Variants in MMAB observed in about 807,000 individuals in gnomAD.
The protein encoded by MMAB is metabolism of cobalamin associated B.
Under a neutral mutation model 30.6 loss-of-function variants are expected in MMAB, and 17 were observed. The ratio of observed to expected loss-of-function variants is 0.56; its 90% CI spans 0.38 to 0.83. MMAB has a LOEUF of 0.83. Among genes scored for constraint, MMAB ranks in the 40% least tolerant of loss-of-function variants. The pLI, the probability that MMAB is intolerant of heterozygous loss-of-function variation, is 0.00. For synonymous variants in MMAB, 134 were observed against 138.6 expected (o/e 0.97, Z 0.23); for missense variants, 311 against 331.6 (o/e 0.94, Z 0.48).
At chr12:109,570,159 A>C (rs575644642) in intron 2 of MMAB, 40 of 242,352 alleles carry the variant, frequency 1.7e-4, no homozygotes, top group African/African-American at 8.7e-4. Context: ...GCTATTCGCG[A>C]GGCTGAGGCA....
chr12:109,571,729 C>T lies in MMAB; in HGVS notation c.135-19G>A, dbSNP rs758112774. 7 of 1,611,518 alleles carry T rather than the reference C, an allele frequency of 4.3e-6. No individual in the cohort carries two copies. The South Asian group carries it at 7.7e-5, about 18-fold the overall frequency. On this transcript the variant is annotated intron_variant, in intron 1 of 8. Transcript: ENST00000545712. Reference sequence around the variant, plus strand: ...CTGTGGCCTAATGAGAAATAAACATCAGTATCTGGTGAGTGGGGATGGCTT... The same window carrying T: ...CTGTGGCCTAATGAGAAATAAACATTAGTATCTGGTGAGTGGGGATGGCTT...
intron 4 of MMAB, among the ~76,000 whole-genome samples, chr12:109,563,166 C>T (rs1157111451): frequency 1.3e-5 from 2 of 152,310 alleles, no homozygotes; most frequent in Admixed American, 6.5e-5. Context: ...ACAGTCAAAG[C>T]GGGAGTGATA....
rs372043526 is a variant in MMAB, at chr12:109,555,582, A to G, written c.*1446T>C. 2.2e-6 allele frequency: 1 copy of G among 450,330 alleles called. No individual in the cohort carries two copies. The allele number at this position is 450,330 out of a possible 1,614,324, so 27.9% of individuals were successfully genotyped here. A position where few individuals can be genotyped will look rare whatever the true frequency, so the allele number is the denominator to read the frequency against. ...GTCCGTTTTCAGCTCTGTTTTGCAAACACTGAGCACCGACTCCGTACCAGA... is the reference window on the plus strand; with the variant it reads ...GTCCGTTTTCAGCTCTGTTTTGCAAGCACTGAGCACCGACTCCGTACCAGA... On this transcript the variant is annotated 3_prime_UTR_variant, in exon 9 of 9. Transcript: ENST00000545712.
chr12:109,555,307 G>C lies in MMAB; in HGVS notation c.*1721C>G, dbSNP rs1186310814. On this transcript the variant is annotated 3_prime_UTR_variant, in exon 9 of 9. Transcript: ENST00000545712. ...TTTTTTTTTTTTTTTTTTTGTGACGGAGTCTCACTCTATCAGCCAGGCTGG... is the reference window on the plus strand; with the variant it reads ...TTTTTTTTTTTTTTTTTTTGTGACGCAGTCTCACTCTATCAGCCAGGCTGG... 2.5e-5 allele frequency: 7 copies of C among 285,180 alleles called. No homozygotes were observed. The highest frequency in any genetic ancestry group is 4.5e-5 in the Non-Finnish European group (7 of 155,984). The allele number at this position is 285,180 out of a possible 1,614,324, so 17.7% of individuals were successfully genotyped here. A position where few individuals can be genotyped will look rare whatever the true frequency, so the allele number is the denominator to read the frequency against.
At position 109,573,443 on chromosome 12, in the gene MMAB, C is replaced by A; in HGVS notation, c.38G>T (p.Gly13Val). ...VCGLGSRLGL[G>V]SRLGLRGCFG... is the part of the protein sequence containing the mutation. ...GCACCCGCGCAGGCCAAGACGGCTC[C>A]CCAGGCCAAGACGGCTCCCCAGGCC... The change falls in exon 1 of 9, where the codon GGG becomes GTG. Residue 13 changes from glycine (G) to valine (V), a missense_variant. Coordinates refer to ENST00000545712, the MANE Select transcript of MMAB (RefSeq NM_052845.4). 1 of 1,606,944 alleles carries A rather than the reference C, an allele frequency of 6.2e-7. No individual in the cohort carries two copies.
rs148395746 is a variant in MMAB, at chr12:109,558,824, A to G, written c.644+272T>C. On this transcript the variant is annotated intron_variant, in intron 8 of 8. Transcript: ENST00000545712. The surrounding 1 kb of genome is among the most constrained non-coding windows in gnomAD (Gnocchi z 4.3). Reference sequence around the variant, plus strand: ...CTTTGCCCCCGCAATGCCACTTTGCACTTAGGTTTTTCTTCCTGGTTTTTA... The same window carrying G: ...CTTTGCCCCCGCAATGCCACTTTGCGCTTAGGTTTTTCTTCCTGGTTTTTA... Among the ~76,000 whole-genome samples the G allele has an allele frequency of 5.8e-4, 88 of 151,530 alleles. No homozygotes were observed. Among genetic ancestry groups the G allele is most frequent in the African/African-American group, 2.1e-3 (85 of 41,246 alleles).
In MMAB at chr12:109,554,820, G is replaced by A. The variant is rs1309174372; in HGVS notation, c.*2208C>T. On this transcript the variant is annotated 3_prime_UTR_variant, in exon 9 of 9. Coordinates refer to ENST00000545712, the MANE Select transcript of MMAB (RefSeq NM_052845.4). ...ATGTTTTAAACACCCCATCCTTCCA[G>A]CCCCCAAAGCAAGCTTTCTCCATTT... is the stretch of plus-strand genomic sequence containing the variant. 1 of 453,926 alleles carries A rather than the reference G, an allele frequency of 2.2e-6. No individual in the cohort carries two copies. Among genetic ancestry groups the A allele is most frequent in the African/African-American group, 2.0e-5 (1 of 49,988 alleles). 28.1% of individuals were successfully genotyped at this position (453,926 alleles called of 1,614,324 possible). A position where few individuals can be genotyped will look rare whatever the true frequency, so the allele number is the denominator to read the frequency against.
intron 4 of MMAB, among the ~76,000 whole-genome samples, chr12:109,562,066 A>G (rs902090276): frequency 6.6e-6 from 1 of 152,174 alleles, no homozygotes; most frequent in Admixed American, 6.5e-5. Flanking sequence ...TGATTGGATC[A>G]TTGGGGTAGT....
intron 8 of MMAB, 34 bp from the exon 9 acceptor site, chr12:109,557,170 G>A (rs1566130043): frequency 1.4e-6 from 2 of 1,424,398 alleles, no homozygotes; most frequent in East Asian, 2.3e-5. Flanking sequence ...CAAACAGAAT[G>A]GTTTGAAATG....
At chr12:109,562,172 ACTCT>A (rs971303030) in intron 4 of MMAB, among the ~76,000 whole-genome samples, 1 of 150,926 alleles carries the variant, frequency 6.6e-6, no homozygotes, top group African/African-American at 2.4e-5. Flanking sequence ...CCCTCTTCAC[ACTCT>A]CTCTCTCCTA....
At position 109,554,763 on chromosome 12, in the gene MMAB, T is replaced by C. The variant is rs1405175302; in HGVS notation, c.*2265A>G. The C allele has an allele frequency of 6.6e-6, 3 of 454,146 alleles. No individual in the cohort carries two copies. The highest frequency in any genetic ancestry group is 6.9e-5 in the East Asian group (1 of 14,396). The allele number at this position is 454,146 out of a possible 1,614,324, so 28.1% of individuals were successfully genotyped here. On this transcript the variant is annotated 3_prime_UTR_variant, in exon 9 of 9. Coordinates refer to ENST00000545712, the MANE Select transcript of MMAB (RefSeq NM_052845.4). ...CTTTTCTTTTGCCTCGGGCTCTTGA[T>C]AGAGCTTTTGAAAGGCACTGCAGAA...
In MMAB at chr12:109,554,063, G is replaced by C. The variant is rs1386868820; in HGVS notation, c.*2965C>G. ...GCCTGGCATTGTTCGCCACAGCCCA[G>C]GTAGTGATTAAAACGACTGTCAAGC... On this transcript the variant is annotated 3_prime_UTR_variant, in exon 9 of 9. Transcript: ENST00000545712. 1 of 454,120 alleles carries C rather than the reference G, an allele frequency of 2.2e-6. No homozygotes were observed. The highest frequency in any genetic ancestry group is 4.4e-6 in the Non-Finnish European group (1 of 226,788). The allele number at this position is 454,120 out of a possible 1,614,324, so 28.1% of individuals were successfully genotyped here.
chr12:109,556,515 G>C lies in MMAB; in HGVS notation c.*513C>G, dbSNP rs1447634953. ...AGAGGTGACTAAACTTCCAAATCTT[G>C]TCCGCCTTCCCCTTTACAAATGTGA... On this transcript the variant is annotated 3_prime_UTR_variant, in exon 9 of 9. Transcript: ENST00000545712. The C allele has an allele frequency of 6.6e-6, 3 of 453,934 alleles. No homozygotes were observed. The highest frequency in any genetic ancestry group is 1.3e-5 in the Non-Finnish European group (3 of 226,792). 28.1% of individuals were successfully genotyped at this position (453,934 alleles called of 1,614,324 possible).
chr12:109,556,887 G>C lies in MMAB; in HGVS notation c.*141C>G, dbSNP rs1044600. ...CTTGAGGAAGGTGGCAAGAGGTGTA[G>C]ATCAAAGCTGAGCTGGGACAAAAGG... On this transcript the variant is annotated 3_prime_UTR_variant, in exon 9 of 9. Coordinates refer to ENST00000545712, the MANE Select transcript of MMAB (RefSeq NM_052845.4). 2.9e-6 allele frequency: 2 copies of C among 697,696 alleles called. No individual in the cohort carries two copies. Among genetic ancestry groups the C allele is most frequent in the Non-Finnish European group, 5.2e-6 (2 of 382,930 alleles). The allele number at this position is 697,696 out of a possible 1,614,324, so 43.2% of individuals were successfully genotyped here.
intron 4 of MMAB, among the ~76,000 whole-genome samples, chr12:109,564,098 C>T (rs868837955): frequency 4.6e-5 from 7 of 152,222 alleles, no homozygotes; most frequent in Admixed American, 2.0e-4. Flanking sequence ...CACTTCACAC[C>T]GGCTTTCTCA....
intron 3 of MMAB, 96 bp downstream of exon 3, chr12:109,568,674 G>C (rs1466632191): frequency 2.0e-6 from 2 of 985,374 alleles, no homozygotes; most frequent in South Asian, 2.6e-5. Flanking sequence ...GACAACCTCC[G>C]AGGCTGCTGC....
intron 3 of MMAB, among the ~76,000 whole-genome samples, chr12:109,565,828 G>A (rs1468236932): frequency 6.6e-6 from 1 of 152,040 alleles, no homozygotes; most frequent in Non-Finnish European, 1.5e-5. Context: ...AGGCTGGGGA[G>A]GACTTCCCTC....
rs1239169490 is a variant in MMAB, at chr12:109,555,570, T to C, written c.*1458A>G. 3 of 450,324 alleles carry C rather than the reference T, an allele frequency of 6.7e-6. No individual in the cohort carries two copies. The highest frequency in any genetic ancestry group is 1.3e-5 in the Non-Finnish European group (3 of 225,128). 27.9% of individuals were successfully genotyped at this position (450,324 alleles called of 1,614,324 possible). On this transcript the variant is annotated 3_prime_UTR_variant, in exon 9 of 9. Transcript: ENST00000545712. Reference sequence around the variant, plus strand: ...CGGCCTCCCAAAGTCCGTTTTCAGCTCTGTTTTGCAAACACTGAGCACCGA... The same window carrying C: ...CGGCCTCCCAAAGTCCGTTTTCAGCCCTGTTTTGCAAACACTGAGCACCGA...
chr12:109,561,814 C>A lies in MMAB; in HGVS notation c.387G>T (p.Ala129=). ...CCTCCCGGGCCGAGGAGCATGGTGT[C>A]GCCAGGGCCGAGCCGACGTCCTGCA... ...CTLQDVGSAL[A]TPCSSAREAH... Residue 129 remains alanine (A), a synonymous_variant, in exon 5 of 9, where the codon GCG becomes GCT. Coordinates refer to ENST00000545712, the MANE Select transcript of MMAB (RefSeq NM_052845.4). This position sits in a 1 kb window ranked among gnomAD's most constrained non-coding sequence, Gnocchi z 5.3. 6.2e-7 allele frequency: 1 copy of A among 1,609,676 alleles called. No homozygotes were observed. The highest frequency in any genetic ancestry group is 1.1e-5 in the South Asian group (1 of 90,192).
Sources: allele counts gnomAD v4.1 joint callset (sites outside exome capture counted in the v4.1 genomes callset), GRCh38; gene constraint gnomAD v4.1.1; non-coding constraint Gnocchi (gnomAD v3.1); transcripts MANE v1.5; gene names NCBI Gene and HGNC (gene_info 2026-07-23, HGNC 2026-07-21).